Variants in SORCS1 observed in about 807,000 individuals in gnomAD.
The protein encoded by SORCS1 is sortilin related VPS10 domain containing receptor 1.
In SORCS1, 60 loss-of-function variants were observed where a neutral mutation model predicts 146.1. That is an observed-to-expected ratio of 0.41 (90% CI 0.33 to 0.51). The LOEUF (loss-of-function observed/expected upper bound fraction) is 0.51. SORCS1 is among the 20% of genes least tolerant of loss of function. The pLI, the probability that SORCS1 is intolerant of heterozygous loss-of-function variation, is 0.21. For synonymous variants in SORCS1, 637 were observed against 584.0 expected (o/e 1.09, Z -1.31); for missense variants, 1,352 against 1,487.6 (o/e 0.91, Z 1.50).
At chr10:106,940,982 T>C (rs1205345287) in intron 2 of SORCS1, among the ~76,000 whole-genome samples, 5 of 152,210 alleles carry the variant, frequency 3.3e-5, no homozygotes, top group African/African-American at 9.6e-5. Context: ...AAGCCTGGGC[T>C]CTGGAGCTCG....
intron 3 of SORCS1, among the ~76,000 whole-genome samples, chr10:106,794,633 G>A (rs1228359897): frequency 6.6e-6 from 1 of 151,430 alleles, no homozygotes; most frequent in Non-Finnish European, 1.5e-5. Context: ...CTCCCGAGTA[G>A]CTGGAACTAC....
intron 1 of SORCS1, among the ~76,000 whole-genome samples, chr10:107,120,691 ACTT>A (rs1966350802): frequency 6.6e-6 from 1 of 152,218 alleles, no homozygotes; most frequent in Non-Finnish European, 1.5e-5. Flanking sequence ...AAGATGACTA[ACTT>A]GAAAGGCAAA....
chr10:106,776,762 T>C, intron 3 of SORCS1, 70 bp from the exon 4 acceptor site: 4 of 1,549,638 alleles, frequency 2.6e-6, no homozygotes, highest in African/African-American at 1.4e-5. Flanking sequence ...AACTTGAAAA[T>C]TAGCTAATTT....
intron 5 of SORCS1, among the ~76,000 whole-genome samples, chr10:106,740,956 A>G (rs1857317252): frequency 1.3e-5 from 2 of 152,232 alleles, no homozygotes; most frequent in Admixed American, 1.3e-4. Flanking sequence ...TGTAAAAAAG[A>G]GTAGAGATAA....
chr10:106,656,394 C>CA (rs1052121838), intron 17 of SORCS1, among the ~76,000 whole-genome samples: 10 of 152,098 alleles, frequency 6.6e-5, no homozygotes, highest in Non-Finnish European at 1.0e-4. Flanking sequence ...ACTAAAAATA[C>CA]AAAAAAATTA....
intron 5 of SORCS1, among the ~76,000 whole-genome samples, chr10:106,738,331 T>C (rs1165990909): frequency 6.6e-6 from 1 of 152,118 alleles, no homozygotes; most frequent in Non-Finnish European, 1.5e-5. Flanking sequence ...TCTAAGTGGG[T>C]AGTAAATGTG....
intron 6 of SORCS1, among the ~76,000 whole-genome samples, chr10:106,718,983 A>G (rs145014663): frequency 2.1e-4 from 30 of 141,654 alleles, no homozygotes; most frequent in African/African-American, 8.1e-4. Context: ...GACACAAAGC[A>G]CTGATTAGTG....
At chr10:107,152,096 A>C (rs1433435507) in intron 1 of SORCS1, among the ~76,000 whole-genome samples, 1 of 152,168 alleles carries the variant, frequency 6.6e-6, no homozygotes, top group Non-Finnish European at 1.5e-5. Context: ...CTGTGGCTAA[A>C]AGAGGCCAAT....
At chr10:106,879,812 A>G (rs908393742) in intron 2 of SORCS1, among the ~76,000 whole-genome samples, 3 of 152,198 alleles carry the variant, frequency 2.0e-5, no homozygotes, top group Non-Finnish European at 4.4e-5. Flanking sequence ...GGATGTGCCA[A>G]TAACCTGAAT....
In SORCS1 at chr10:106,574,045, A is replaced by C. The variant is rs1032548447; in HGVS notation, c.*3375T>G. 1 of 129,042 alleles carries C rather than the reference A, an allele frequency of 7.7e-6. No homozygotes were observed. The highest frequency in any genetic ancestry group is 3.4e-5 in the African/African-American group (1 of 29,182). 8.0% of individuals were successfully genotyped at this position (129,042 alleles called of 1,614,324 possible). On this transcript the variant is annotated 3_prime_UTR_variant, in exon 26 of 26. Transcript: ENST00000263054. ...TAGAAGTAGTTCCAATACTATAAGA[A>C]AACTTTTTTTTTTTTTAATTGGCTT...
At chr10:107,168,980 G>A (rs1970106477), upstream of SORCS1, among the ~76,000 whole-genome samples, 2 of 152,138 alleles carry the variant, frequency 1.3e-5, no homozygotes, top group East Asian at 3.9e-4. Flanking sequence ...TAGGCTGAGG[G>A]GAATATATAT....
intron 3 of SORCS1, among the ~76,000 whole-genome samples, chr10:106,804,575 T>C (rs1947071865): frequency 6.6e-6 from 1 of 151,894 alleles, no homozygotes; most frequent in Admixed American, 6.6e-5. Context: ...CAAAAACATA[T>C]ATACAATTCA....
chr10:106,750,615 G>GCTA (rs2136176029), intron 5 of SORCS1, among the ~76,000 whole-genome samples: 1 of 149,714 alleles, frequency 6.7e-6, no homozygotes, highest in South Asian at 2.1e-4. Context: ...TGTAGTCCCA[G>GCTA]CTACTCGGGA....
At position 106,724,184 on chromosome 10, in the gene SORCS1, A is replaced by G. The variant is rs548948567; in HGVS notation, c.1024+5866T>C. The stretch of plus-strand genomic sequence containing the variant: ...TTAATTTCCAACCCTTACAATTGAA[A>G]GTAATCTTGTAAGTTATAAGGTTTA... On this transcript the variant is annotated intron_variant, in intron 6 of 25. Coordinates refer to ENST00000263054, the MANE Select transcript of SORCS1 (RefSeq NM_052918.5). Among the ~76,000 whole-genome samples the G allele has an allele frequency of 4.6e-5, 7 of 152,352 alleles. No individual in the cohort carries two copies. In the South Asian group the frequency reaches 6.2e-4, roughly 14 times the overall value.
chr10:106,587,633 T>A (rs1259534400), intron 24 of SORCS1, among the ~76,000 whole-genome samples: 1 of 152,246 alleles, frequency 6.6e-6, no homozygotes, highest in Non-Finnish European at 1.5e-5. Context: ...TTCTCTAATA[T>A]CTCTGTGATA....
intron 1 of SORCS1, among the ~76,000 whole-genome samples, chr10:107,127,312 T>C (rs1269760995): frequency 6.6e-6 from 1 of 152,052 alleles, no homozygotes; most frequent in Non-Finnish European, 1.5e-5. Flanking sequence ...ATAGCTCCCT[T>C]ACTTTCAGCA....
intron 1 of SORCS1, among the ~76,000 whole-genome samples, chr10:107,158,718 T>C (rs1251594526): frequency 1.3e-5 from 2 of 152,198 alleles, no homozygotes; most frequent in Non-Finnish European, 2.9e-5. Context: ...TGACAAATAT[T>C]AGGAGCTCAA....
At chr10:107,074,531 A>G (rs1049482268) in intron 1 of SORCS1, among the ~76,000 whole-genome samples, 19 of 152,200 alleles carry the variant, frequency 1.2e-4, no homozygotes, top group Admixed American at 1.2e-3. Flanking sequence ...TCGTGTGGAC[A>G]TAAGTTTTCA....
chr10:107,022,544 G>A (rs2133878553), intron 1 of SORCS1, among the ~76,000 whole-genome samples: 1 of 152,024 alleles, frequency 6.6e-6, no homozygotes, highest in Non-Finnish European at 1.5e-5. Flanking sequence ...AAAGTAGTGA[G>A]CTCAAGATCT....
Sources: gnomAD v4.1 joint callset for allele counts (sites outside exome capture counted in the v4.1 genomes callset) on GRCh38, gnomAD v4.1.1 for gene constraint, MANE v1.5 for transcripts, NCBI Gene and HGNC (gene_info 2026-07-23, HGNC 2026-07-21) for gene names.